Variants in URI1 observed in about 807,000 individuals in gnomAD.
URI1 encodes URI1 prefoldin like chaperone, also known as unconventional prefoldin RPB5 interactor 1.
Under a neutral mutation model 60.2 loss-of-function variants are expected in URI1, and 39 were observed. The observed-to-expected ratio is 0.65, with a 90% CI of 0.50 to 0.85. URI1 has a LOEUF of 0.85. Among genes scored for constraint, URI1 ranks in the 40% least tolerant of loss-of-function variants. The pLI, the probability that URI1 is intolerant of heterozygous loss-of-function variation, is 0.00. For synonymous variants in URI1, 251 were observed against 236.8 expected (o/e 1.06, Z -0.55); for missense variants, 691 against 665.9 (o/e 1.04, Z -0.42).
chr19:29,972,048 C>G (rs2055466877), intron 2 of URI1, among the ~76,000 whole-genome samples: 1 of 151,914 alleles, frequency 6.6e-6, no homozygotes, highest in Admixed American at 6.6e-5. Context: ...TTTTAAGAGG[C>G]TTTTTCTTCA....
At chr19:29,935,577 A>G (rs990948482) in intron 1 of URI1, among the ~76,000 whole-genome samples, 9 of 152,028 alleles carry the variant, frequency 5.9e-5, no homozygotes, top group Non-Finnish European at 1.2e-4. Context: ...TCATTTTAGC[A>G]GCTCTTGTAG....
chr19:29,952,648 A>G (rs2055194218), intron 1 of URI1, among the ~76,000 whole-genome samples: 4 of 151,898 alleles, frequency 2.6e-5, no homozygotes, highest in Admixed American at 2.6e-4. Flanking sequence ...TTACAGGAGT[A>G]GAAGAGGAAA....
chr19:29,971,393 T>C (rs2055458185), intron 2 of URI1, among the ~76,000 whole-genome samples, 166 bp downstream of exon 2: 1 of 152,042 alleles, frequency 6.6e-6, no homozygotes, highest in Non-Finnish European at 1.5e-5. Flanking sequence ...TATATTGTCT[T>C]TGACCCTTTT....
rs577570677 is a variant in URI1, at chr19:29,977,557, T to C, written c.152+6330T>C. On this transcript the variant is annotated intron_variant, in intron 2 of 10. Coordinates refer to ENST00000392271, the MANE Select transcript of URI1 (RefSeq NM_003796.3). ...TGGGCTTTTTCTTTATGTTATTTTT[T>C]CTTTTTTTTTTTTTTTTTCCCTCCT... Among the ~76,000 whole-genome samples, 3 of 120,496 alleles carry C rather than the reference T, an allele frequency of 2.5e-5. No homozygotes were observed. The East Asian group carries it at 7.7e-4, about 31-fold the overall frequency. The allele number at this position is 120,496 out of a possible 152,430, so 79.1% of individuals were successfully genotyped here. A position where few individuals can be genotyped will look rare whatever the true frequency, so the allele number is the denominator to read the frequency against.
At chr19:30,011,306 G>A in intron 9 of URI1, 70 bp downstream of exon 9, 2 of 1,514,548 alleles carry the variant, frequency 1.3e-6, no homozygotes, top group Non-Finnish European at 1.8e-6. Flanking sequence ...AACCTTTACT[G>A]GAGAAAGTTG....
chr19:29,950,286 G>A (rs1027196828), intron 1 of URI1, among the ~76,000 whole-genome samples: 1 of 152,186 alleles, frequency 6.6e-6, no homozygotes, highest in Non-Finnish European at 1.5e-5. Context: ...AAGAAGGTGC[G>A]TGGAATCTGT....
intron 1 of URI1, among the ~76,000 whole-genome samples, chr19:29,929,250 A>T (rs2054895536): frequency 6.6e-6 from 1 of 152,190 alleles, no homozygotes; most frequent in Non-Finnish European, 1.5e-5. Flanking sequence ...CAGGAATGAA[A>T]GAGAGTTTCA....
At chr19:29,943,961 C>T (rs2055064651) in intron 1 of URI1, among the ~76,000 whole-genome samples, 2 of 150,566 alleles carry the variant, frequency 1.3e-5, no homozygotes, top group African/African-American at 4.9e-5. Context: ...ACAGGGAGAC[C>T]TCCGTCTATA....
chr19:29,991,906 T>C (rs2055751614), intron 4 of URI1, among the ~76,000 whole-genome samples: 1 of 152,200 alleles, frequency 6.6e-6, no homozygotes, highest in South Asian at 2.1e-4. Flanking sequence ...GTGGATTATA[T>C]TGATTGATTT....
rs1273834992 is a variant in URI1 at position 30,012,447 on chromosome 19, T to G, written c.1341T>G (p.Thr447=). ...VLRSISCEEA[T]CSDTSESILE... ...GGAGTATCAGCTGCGAAGAAGCCAC[T>G]TGCAGTGACACCAGTGAGAGCATTT... The change falls in exon 10 of 11, where the codon ACT becomes ACG. Residue 447 remains threonine (T), a synonymous_variant. Coordinates refer to ENST00000392271, the MANE Select transcript of URI1 (RefSeq NM_003796.3). The G allele has an allele frequency of 2.5e-6, 4 of 1,614,064 alleles. No homozygotes were observed. Among genetic ancestry groups the G allele is most frequent in the Non-Finnish European group, 3.4e-6 (4 of 1,180,030 alleles).
At position 29,924,242 on chromosome 19, in the gene URI1, G is replaced by A. The variant is rs1251183491; in HGVS notation, c.63+488G>A. 2.0e-5 allele frequency among the ~76,000 whole-genome samples: 3 copies of A among 152,194 alleles called. No individual in the cohort carries two copies. The East Asian group carries it at 5.8e-4, about 29-fold the overall frequency. Reference sequence around the variant, plus strand: ...CCCAGATGCACCCAGAAATAATGTTGCACCTGCTATCTGGGTATCCCTTAA... The same window carrying A: ...CCCAGATGCACCCAGAAATAATGTTACACCTGCTATCTGGGTATCCCTTAA... On this transcript the variant is annotated intron_variant, in intron 1 of 10. Coordinates refer to the URI1 transcript ENST00000360605.
intron 4 of URI1, among the ~76,000 whole-genome samples, chr19:29,992,534 C>G (rs1305513904): frequency 1.3e-5 from 2 of 152,120 alleles, no homozygotes; most frequent in South Asian, 4.1e-4. Flanking sequence ...CTTTCTTGTC[C>G]TCTTTTAGAT....
At chr19:29,939,269 G>A (rs538032628), upstream of URI1, among the ~76,000 whole-genome samples, 3 of 150,764 alleles carry the variant, frequency 2.0e-5, no homozygotes, top group Non-Finnish European at 2.9e-5. Context: ...GAGCCACTGC[G>A]CCTTGCCAAT....
chr19:29,935,072 A>AT (rs1373141455), intron 1 of URI1, among the ~76,000 whole-genome samples: 2 of 152,078 alleles, frequency 1.3e-5, no homozygotes, highest in Non-Finnish European at 2.9e-5. Context: ...TTTTCTGTAC[A>AT]TTTTTTAAAT....
chr19:29,954,387 T>C (rs550052741), intron 1 of URI1, among the ~76,000 whole-genome samples: 9 of 152,336 alleles, frequency 5.9e-5, no homozygotes, highest in Admixed American at 5.2e-4. Flanking sequence ...TTTCACTTAA[T>C]TGCATTTTAT....
chr19:29,964,886 A>T (rs1262304845), intron 1 of URI1, among the ~76,000 whole-genome samples: 10 of 114,464 alleles, frequency 8.7e-5, no homozygotes, highest in Middle Eastern at 4.9e-3. Flanking sequence ...ACTTGTATTT[A>T]CTCTTCAGTG....
At chr19:29,958,257 C>T (rs2055276277) in intron 1 of URI1, among the ~76,000 whole-genome samples, 1 of 151,940 alleles carries the variant, frequency 6.6e-6, no homozygotes, top group African/African-American at 2.4e-5. Context: ...ATTGTATGGG[C>T]TAGAACCTTT....
At chr19:30,005,333 TA>T (rs773043008) in intron 4 of URI1, 27 bp from the exon 5 acceptor site, 1 of 1,346,140 alleles carries the variant, frequency 7.4e-7, no homozygotes, top group Non-Finnish European at 1.0e-6. Context: ...TGCCATGCTT[TA>T]CATAATGGTT....
chr19:29,985,044 C>T (rs551184734), intron 2 of URI1, among the ~76,000 whole-genome samples, 179 bp from the exon 3 acceptor site: 137 of 137,442 alleles, frequency 1.0e-3, no homozygotes, highest in African/African-American at 3.4e-3. Flanking sequence ...TGCTTGAACC[C>T]GGGAGGTGGA....
Sources: gnomAD v4.1 joint callset for allele counts (sites outside exome capture counted in the v4.1 genomes callset) on GRCh38, gnomAD v4.1.1 for gene constraint, MANE v1.5 for transcripts, NCBI Gene and HGNC (gene_info 2026-07-23, HGNC 2026-07-21) for gene names.